The following SUGCT variants were observed in gnomAD, a reference collection of about 807,000 sequenced individuals.
SUGCT encodes the protein succinyl-CoA:glutarate-CoA transferase, also known as succinyl-CoA:glutarate CoA-transferase.
Under a neutral mutation model 55.0 loss-of-function variants are expected in SUGCT, and 41 were observed. The observed-to-expected ratio is 0.74, with a 90% CI of 0.58 to 0.97. SUGCT has a LOEUF of 0.97. Ranked by LOEUF, SUGCT falls within the 50% of genes least tolerant of loss-of-function variation. SUGCT has a pLI of 0.00. For missense variants in SUGCT, 568 were observed against 547.8 expected (o/e 1.04, Z -0.37); for synonymous variants, 187 against 200.4 (o/e 0.93, Z 0.56).
intron 9 of SUGCT, among the ~76,000 whole-genome samples, chr7:40,382,604 T>C (rs1440338787): frequency 6.6e-6 from 1 of 152,212 alleles, no homozygotes; most frequent in East Asian, 1.9e-4. Context: ...GAATGTCTTA[T>C]GTTTAGGAAG....
chr7:41,028,548 A>G, the SUGCT span, among the ~76,000 whole-genome samples: 1 of 152,250 alleles, frequency 6.6e-6, no homozygotes, highest in African/African-American at 2.4e-5. Flanking sequence ...CCTAGGCTTT[A>G]TGGTATAACC....
At chr7:41,020,893 A>G in the SUGCT span, among the ~76,000 whole-genome samples, 1 of 152,254 alleles carries the variant, frequency 6.6e-6, no homozygotes, top group African/African-American at 2.4e-5. Flanking sequence ...CGAATGTAGC[A>G]GCAGCCTGAT....
chr7:40,428,828 A>C (rs147511252), intron 9 of SUGCT, among the ~76,000 whole-genome samples: 57 of 152,252 alleles, frequency 3.7e-4, no homozygotes, highest in Non-Finnish European at 6.8e-4. Context: ...AGTGAGCTTT[A>C]AACTTTCACA....
At chr7:40,519,616 G>A (rs1793421199) in intron 12 of SUGCT, among the ~76,000 whole-genome samples, 1 of 151,920 alleles carries the variant, frequency 6.6e-6, no homozygotes, top group Non-Finnish European at 1.5e-5. Context: ...GACATTATAT[G>A]TCTGAATTAA....
intron 12 of SUGCT, among the ~76,000 whole-genome samples, chr7:40,591,564 G>C (rs1434674885): frequency 2.0e-5 from 3 of 152,214 alleles, no homozygotes; most frequent in Non-Finnish European, 4.4e-5. Flanking sequence ...AAATTCTACT[G>C]TGGGTAAAAT....
chr7:40,853,727 C>G (rs577076682), intron 13 of SUGCT, among the ~76,000 whole-genome samples: 1 of 152,080 alleles, frequency 6.6e-6, no homozygotes, highest in East Asian at 1.9e-4. Flanking sequence ...ATTAATTAAC[C>G]CTTTAAAGAG....
At chr7:40,347,855 CT>C (rs773013206) in intron 9 of SUGCT, among the ~76,000 whole-genome samples, 2 of 152,178 alleles carry the variant, frequency 1.3e-5, no homozygotes, top group Non-Finnish European at 2.9e-5. Context: ...TTTCGTTGTT[CT>C]AGTTACTCAT....
the SUGCT span, among the ~76,000 whole-genome samples, chr7:40,907,909 C>T: frequency 6.6e-6 from 1 of 152,112 alleles, no homozygotes; most frequent in African/African-American, 2.4e-5. Context: ...TCAATACTCA[C>T]CTTTTAATTC....
In SUGCT at chr7:40,658,939, G is replaced by A. The variant is rs111751313; in HGVS notation, c.1090-90495G>A. ...GAGGGCCCGGGGAAACTGGAGTGGT[G>A]TGGAGTTTGACTCATTTCATTCCTA... On this transcript the variant is annotated intron_variant, in intron 12 of 13. Transcript: ENST00000335693. 1.6e-3 allele frequency among the ~76,000 whole-genome samples: 244 copies of A among 152,276 alleles called. 2 individuals carry two copies. The highest frequency in any genetic ancestry group is 5.7e-3 in the African/African-American group (237 of 41,564).
At chr7:40,439,050 G>A (rs1583677241) in intron 9 of SUGCT, among the ~76,000 whole-genome samples, 1 of 69,962 alleles carries the variant, frequency 1.4e-5, no homozygotes, top group African/African-American at 5.3e-5. Context: ...ATATATATAT[G>A]GTATATATAT....
chr7:40,401,947 C>G lies in SUGCT; in HGVS notation c.817-47340C>G, dbSNP rs77269055. 1.8e-4 allele frequency among the ~76,000 whole-genome samples: 27 copies of G among 152,268 alleles called. 3 individuals are homozygous for G. In the East Asian group the frequency reaches 5.2e-3, roughly 29 times the overall value. ...ACTTTTCAAAATGCTCCAAATTTCTCTCTTAATATTTTGGGTTTCAACAAC... is the reference window on the plus strand; with the variant it reads ...ACTTTTCAAAATGCTCCAAATTTCTGTCTTAATATTTTGGGTTTCAACAAC... On this transcript the variant is annotated intron_variant, in intron 9 of 13. Transcript: ENST00000335693.
chr7:40,615,013 G>T (rs1412347826), intron 12 of SUGCT, among the ~76,000 whole-genome samples: 1 of 149,944 alleles, frequency 6.7e-6, no homozygotes, highest in African/African-American at 2.5e-5. Context: ...CCAAGATCAC[G>T]CCATTGCCCT....
chr7:40,690,213 G>T (rs545708689), intron 12 of SUGCT, among the ~76,000 whole-genome samples: 2 of 152,202 alleles, frequency 1.3e-5, no homozygotes, highest in South Asian at 2.1e-4. Flanking sequence ...GTTACAATTT[G>T]GTTGTCTGGG....
the SUGCT span, among the ~76,000 whole-genome samples, chr7:41,008,753 C>T: frequency 6.6e-6 from 1 of 151,986 alleles, no homozygotes; most frequent in Non-Finnish European, 1.5e-5. Flanking sequence ...CAAATGCGCC[C>T]TTCCCTGGGT....
At chr7:40,206,578 A>G (rs759331898) in intron 6 of SUGCT, among the ~76,000 whole-genome samples, 2 of 152,328 alleles carry the variant, frequency 1.3e-5, no homozygotes, top group African/African-American at 2.4e-5. Flanking sequence ...TGGCAAACGT[A>G]CAGTTAAGTT....
In SUGCT at chr7:40,776,953, G is replaced by T. The variant is rs149591262; in HGVS notation, c.1153+27456G>T. Reference sequence around the variant, plus strand: ...CCCATGTAGTAAATATCAAGCCAAAGGTTGGTTTTTCTCCTCAGGAAGCTG... The same window carrying T: ...CCCATGTAGTAAATATCAAGCCAAATGTTGGTTTTTCTCCTCAGGAAGCTG... On this transcript the variant is annotated intron_variant, in intron 13 of 13. Coordinates refer to ENST00000335693, the MANE Select transcript of SUGCT (RefSeq NM_001193313.2). Among the ~76,000 whole-genome samples the T allele has an allele frequency of 1.9e-3, 291 of 152,324 alleles. 2 individuals carry two copies. The highest frequency in any genetic ancestry group is 6.8e-3 in the African/African-American group (282 of 41,574).
chr7:40,207,172 G>A (rs1787022154), intron 6 of SUGCT, among the ~76,000 whole-genome samples: 1 of 152,088 alleles, frequency 6.6e-6, no homozygotes, highest in African/African-American at 2.4e-5. Context: ...ACTCCAGCTT[G>A]GGTGACAGAG....
At chr7:40,395,034 T>C (rs1030643809) in intron 9 of SUGCT, among the ~76,000 whole-genome samples, 2 of 152,198 alleles carry the variant, frequency 1.3e-5, no homozygotes. Context: ...TTGTGAAATA[T>C]TATTATTGTT....
chr7:40,803,342 C>G lies in SUGCT; in HGVS notation c.1153+53845C>G, dbSNP rs564912373. Reference sequence around the variant, plus strand: ...TGGATATTGTTCCATTTTATGCTCACAACAGCTCTCTAAGTAAAATATTCT... The same window carrying G: ...TGGATATTGTTCCATTTTATGCTCAGAACAGCTCTCTAAGTAAAATATTCT... On this transcript the variant is annotated intron_variant, in intron 13 of 13. Coordinates refer to ENST00000335693, the MANE Select transcript of SUGCT (RefSeq NM_001193313.2). Among the ~76,000 whole-genome samples the G allele has an allele frequency of 4.6e-5, 7 of 152,310 alleles. No individual in the cohort carries two copies. The East Asian group carries it at 1.4e-3, about 29-fold the overall frequency.
Sources: allele counts gnomAD v4.1 joint callset (sites outside exome capture counted in the v4.1 genomes callset), GRCh38; gene constraint gnomAD v4.1.1; transcripts MANE v1.5; gene names NCBI Gene and HGNC (gene_info 2026-07-23, HGNC 2026-07-21).